Variants in KSR2 observed in about 807,000 individuals in gnomAD.
KSR2 encodes the protein kinase suppressor of ras 2.
A neutral mutation model predicts 107.8 loss-of-function variants in KSR2; 25 were observed. The observed-to-expected ratio is 0.23, with a 90% CI of 0.17 to 0.32. The LOEUF (loss-of-function observed/expected upper bound fraction) is 0.32, where lower values mean the gene tolerates loss of function less well. Among genes scored for constraint, KSR2 ranks in the 10% least tolerant of loss-of-function variants. KSR2 has a pLI of 1.00. For synonymous variants in KSR2, 480 were observed against 507.0 expected (o/e 0.95, Z 0.71); for missense variants, 887 against 1,268.9 (o/e 0.70, Z 4.57).
intron 3 of KSR2, among the ~76,000 whole-genome samples, chr12:117,806,083 G>T (rs549750286): frequency 2.0e-5 from 3 of 152,316 alleles, no homozygotes; most frequent in Admixed American, 2.0e-4. Context: ...CCCAGCTGAG[G>T]CATGTGAACA....
At chr12:117,916,005 T>C (rs1221485313) in intron 1 of KSR2, among the ~76,000 whole-genome samples, 1 of 152,078 alleles carries the variant, frequency 6.6e-6, no homozygotes. Context: ...CCTAGCCCAA[T>C]GCATTCTGAT....
chr12:117,598,716 G>C (rs1880777304), intron 5 of KSR2, among the ~76,000 whole-genome samples: 1 of 151,936 alleles, frequency 6.6e-6, no homozygotes, highest in Non-Finnish European at 1.5e-5. Flanking sequence ...CTGATAATTA[G>C]TGATGTTGAG....
chr12:117,824,037 G>A (rs1490722673), intron 3 of KSR2, among the ~76,000 whole-genome samples: 1 of 151,888 alleles, frequency 6.6e-6, no homozygotes, highest in Non-Finnish European at 1.5e-5. Context: ...AAGAAAATGT[G>A]GTATATATAC....
chr12:117,748,010 A>G (rs1255898067), intron 4 of KSR2, among the ~76,000 whole-genome samples: 2 of 152,254 alleles, frequency 1.3e-5, no homozygotes, highest in Admixed American at 1.3e-4. Flanking sequence ...TACCATATTT[A>G]TTGCAGCATT....
chr12:117,555,116 C>T, intron 9 of KSR2, 53 bp downstream of exon 9: 1 of 1,611,308 alleles, frequency 6.2e-7, no homozygotes, highest in Non-Finnish European at 8.5e-7. Context: ...TCCTACCCCT[C>T]ACCCAGCAGT....
chr12:117,745,010 A>C (rs538628041), intron 4 of KSR2, among the ~76,000 whole-genome samples: 1 of 152,274 alleles, frequency 6.6e-6, no homozygotes, highest in South Asian at 2.1e-4. Context: ...CTATGAACTA[A>C]GTGCTGTTAT....
chr12:117,694,099 C>T (rs928728290), intron 4 of KSR2, among the ~76,000 whole-genome samples: 1 of 152,132 alleles, frequency 6.6e-6, no homozygotes, highest in Admixed American at 6.5e-5. Context: ...ATGGCTAGTG[C>T]GAATGTGAAG....
chr12:117,732,462 G>A (rs546123289), intron 4 of KSR2, among the ~76,000 whole-genome samples: 27 of 152,064 alleles, frequency 1.8e-4, no homozygotes, highest in Non-Finnish European at 3.5e-4. Context: ...CTAATTTTTT[G>A]TATTTTTAGT....
chr12:117,502,407 G>C (rs552645187), intron 14 of KSR2, among the ~76,000 whole-genome samples: 1 of 152,138 alleles, frequency 6.6e-6, no homozygotes, highest in East Asian at 1.9e-4. Flanking sequence ...CTCTGGGTCT[G>C]CATTTTCCCT....
intron 3 of KSR2, among the ~76,000 whole-genome samples, chr12:117,812,391 A>T (rs1348699085): frequency 6.6e-6 from 1 of 152,230 alleles, no homozygotes; most frequent in Admixed American, 6.5e-5. Context: ...TACTTTTTTA[A>T]TGTAGCTACT....
intron 4 of KSR2, among the ~76,000 whole-genome samples, chr12:117,760,549 T>C (rs1012819652): frequency 2.0e-5 from 3 of 152,220 alleles, no homozygotes; most frequent in South Asian, 4.1e-4. Context: ...ACTAGAAAGT[T>C]GAAGGTTAAT....
intron 3 of KSR2, among the ~76,000 whole-genome samples, chr12:117,779,340 T>G (rs1327037132): frequency 4.6e-5 from 7 of 152,210 alleles, no homozygotes; most frequent in Admixed American, 3.9e-4. Flanking sequence ...GCAGGGCCAG[T>G]GAGCTGGGTT....
At chr12:117,773,221 A>G (rs1889569846) in intron 3 of KSR2, among the ~76,000 whole-genome samples, 1 of 152,036 alleles carries the variant, frequency 6.6e-6, no homozygotes, top group African/African-American at 2.4e-5. Flanking sequence ...ATTAATTGTC[A>G]CCCTTGCTAT....
intron 3 of KSR2, among the ~76,000 whole-genome samples, chr12:117,794,296 CCAA>C (rs1172113824): frequency 2.7e-5 from 2 of 74,974 alleles, no homozygotes; most frequent in Non-Finnish European, 4.6e-5. Flanking sequence ...CACTCACACA[CCAA>C]CATGCACACA....
chr12:117,864,452 CAT>C (rs1301032014), intron 1 of KSR2, among the ~76,000 whole-genome samples: 1 of 151,970 alleles, frequency 6.6e-6, no homozygotes, highest in East Asian at 1.9e-4. Context: ...CGCACACACA[CAT>C]ATATATATAG....
At chr12:117,556,957 G>A (rs1186716997) in intron 8 of KSR2, among the ~76,000 whole-genome samples, 1 of 152,118 alleles carries the variant, frequency 6.6e-6, no homozygotes, top group East Asian at 1.9e-4. Flanking sequence ...ACCAGGTCAG[G>A]AGTTCAAGAC....
chr12:117,958,273 A>G (rs1891787818), intron 1 of KSR2, among the ~76,000 whole-genome samples: 1 of 152,074 alleles, frequency 6.6e-6, no homozygotes, highest in South Asian at 2.1e-4. Context: ...ACATCAAAAC[A>G]CTCACACTCA....
chr12:117,661,201 G>A (rs1884416165), intron 5 of KSR2, among the ~76,000 whole-genome samples: 1 of 152,068 alleles, frequency 6.6e-6, no homozygotes, highest in Non-Finnish European at 1.5e-5. Context: ...AAAAAAGGCT[G>A]AGAAACTGTT....
intron 5 of KSR2, among the ~76,000 whole-genome samples, chr12:117,625,327 T>C (rs558842375): frequency 2.0e-5 from 3 of 152,234 alleles, no homozygotes; most frequent in African/African-American, 4.8e-5. Context: ...CAGTATGATA[T>C]TGGCTGTGGG....
Sources: allele counts gnomAD v4.1 joint callset (sites outside exome capture counted in the v4.1 genomes callset), GRCh38; gene constraint gnomAD v4.1.1; transcripts MANE v1.5; gene names NCBI Gene and HGNC (gene_info 2026-07-23, HGNC 2026-07-21).